ABLIM1: variants seen among roughly 807,000 people sequenced by gnomAD.
The protein encoded by ABLIM1 is actin binding LIM protein 1, also known as actin-binding LIM protein 1.
A neutral mutation model predicts 107.0 loss-of-function variants in ABLIM1; 40 were observed. The observed-to-expected ratio is 0.37, with a 90% confidence interval of 0.29 to 0.49. The LOEUF (loss-of-function observed/expected upper bound fraction) is 0.49. Ranked by LOEUF, ABLIM1 falls within the 20% of genes least tolerant of loss-of-function variation. The pLI, the probability that ABLIM1 is intolerant of heterozygous loss-of-function variation, is 0.97. For missense variants in ABLIM1, 857 were observed against 1,008.5 expected (o/e 0.85, Z 2.04); for synonymous variants, 357 against 357.3 (o/e 1.00, Z 0.01).
chr10:114,495,112 T>C (rs780374017), intron 6 of ABLIM1, among the ~76,000 whole-genome samples: 12 of 152,230 alleles, frequency 7.9e-5, no homozygotes, highest in Non-Finnish European at 1.3e-4. Flanking sequence ...TTGCTGTGGT[T>C]ACCTTTGGAG....
At chr10:114,529,563 T>C (rs570234615) in intron 6 of ABLIM1, among the ~76,000 whole-genome samples, 1 of 152,294 alleles carries the variant, frequency 6.6e-6, no homozygotes, top group South Asian at 2.1e-4. Context: ...ATTTCCAAAT[T>C]CGTGAGTTTC....
At chr10:114,749,380 G>T (rs1482078438) in intron 1 of ABLIM1, among the ~76,000 whole-genome samples, 2 of 151,288 alleles carry the variant, frequency 1.3e-5, no homozygotes, top group African/African-American at 4.9e-5. Context: ...TTCTTTGTTT[G>T]CTAGCTACAA....
chr10:114,675,835 T>C (rs7905729), intron 1 of ABLIM1, among the ~76,000 whole-genome samples: 3,459 of 152,204 alleles, frequency 0.023, 129 homozygotes, highest in African/African-American at 0.078. Flanking sequence ...ATCTGTTCCA[T>C]TCCTCTCTGC....
Position 114,433,847 on chromosome 10 carries a change from A to G in ABLIM1, c.*2413T>C, listed in dbSNP as rs933202194. On this transcript the variant is annotated 3_prime_UTR_variant, in exon 23 of 23. Transcript: ENST00000533213. ...ACCTGATTATGCCCATGTTTCCCAA[A>G]TACCTTGATTTTTCTTATATTGACA... 1.3e-5 allele frequency: 2 copies of G among 152,196 alleles called. No homozygotes were observed. Among genetic ancestry groups the G allele is most frequent in the Non-Finnish European group, 2.9e-5 (2 of 68,042 alleles). The allele number at this position is 152,196 out of a possible 1,614,324, so 9.4% of individuals were successfully genotyped here.
intron 5 of ABLIM1, among the ~76,000 whole-genome samples, chr10:114,545,943 C>CAAAAAAAAAAAAAAAAAAAAA (rs35262022): frequency 8.2e-6 from 1 of 122,440 alleles, no homozygotes. Context: ...AAAAAAAAAA[C>CAAAAAAAAAAAAAAAAAAAAA]AAAAAAAAAA....
chr10:114,482,488 C>T (rs924152066), intron 8 of ABLIM1, among the ~76,000 whole-genome samples: 1 of 152,090 alleles, frequency 6.6e-6, no homozygotes, highest in Non-Finnish European at 1.5e-5. Flanking sequence ...TGCTGTGTAG[C>T]CAAAAGTACT....
intron 1 of ABLIM1, among the ~76,000 whole-genome samples, chr10:114,755,033 T>C (rs1591946952): frequency 6.6e-6 from 1 of 152,180 alleles, no homozygotes; most frequent in South Asian, 2.1e-4. Context: ...GGAGTATGAA[T>C]GTTCTAGAAC....
intron 21 of ABLIM1, among the ~76,000 whole-genome samples, chr10:114,438,685 C>A (rs1589652475): frequency 2.6e-5 from 4 of 152,316 alleles, no homozygotes; most frequent in Admixed American, 1.3e-4. Context: ...AGTGCTCTGG[C>A]AACTGCCATA....
chr10:114,541,503 C>A (rs921354498), intron 6 of ABLIM1, among the ~76,000 whole-genome samples: 2 of 151,890 alleles, frequency 1.3e-5, no homozygotes, highest in African/African-American at 4.8e-5. Flanking sequence ...GTGTGGAGAC[C>A]GTCCTGCTTT....
chr10:114,662,377 C>T (rs2079830873), upstream of ABLIM1, among the ~76,000 whole-genome samples: 1 of 152,138 alleles, frequency 6.6e-6, no homozygotes, highest in Non-Finnish European at 1.5e-5. Context: ...AAAAGGGGTG[C>T]AATTGGACTT....
intron 1 of ABLIM1, among the ~76,000 whole-genome samples, chr10:114,614,670 G>A (rs767135649): frequency 3.7e-4 from 57 of 152,094 alleles, no homozygotes; most frequent in Non-Finnish European, 6.6e-4. Flanking sequence ...GAGATTTGCC[G>A]GAAAATTAGA....
intron 6 of ABLIM1, among the ~76,000 whole-genome samples, chr10:114,540,471 G>A (rs557506148): frequency 2.0e-5 from 3 of 152,208 alleles, no homozygotes; most frequent in Admixed American, 6.5e-5. Flanking sequence ...CTCCCCACCC[G>A]TTCAAGCTGA....
At chr10:114,611,409 G>T (rs144262217) in intron 1 of ABLIM1, among the ~76,000 whole-genome samples, 1 of 151,408 alleles carries the variant, frequency 6.6e-6, no homozygotes, top group East Asian at 1.9e-4. Context: ...GGAGGCAGAG[G>T]TTGCTGAGCT....
At chr10:114,624,359 G>A (rs528698049) in intron 1 of ABLIM1, among the ~76,000 whole-genome samples, 1 of 152,322 alleles carries the variant, frequency 6.6e-6, no homozygotes, top group South Asian at 2.1e-4. Context: ...TGAATCAAAT[G>A]CCAAGATATG....
chr10:114,535,291 G>C (rs1299514571), intron 6 of ABLIM1, among the ~76,000 whole-genome samples: 1 of 152,112 alleles, frequency 6.6e-6, no homozygotes, highest in Non-Finnish European at 1.5e-5. Flanking sequence ...TCCCACAGAG[G>C]GAAAGAGCCT....
chr10:114,513,456 A>C (rs1483500060), intron 6 of ABLIM1, among the ~76,000 whole-genome samples: 1 of 152,026 alleles, frequency 6.6e-6, no homozygotes, highest in African/African-American at 2.4e-5. Flanking sequence ...AAAAAAAGAA[A>C]CCCCACTGGC....
At chr10:114,698,876 A>C (rs2081248921) in intron 1 of ABLIM1, among the ~76,000 whole-genome samples, 1 of 152,204 alleles carries the variant, frequency 6.6e-6, no homozygotes, top group Admixed American at 6.5e-5. Context: ...TAATTCCCAA[A>C]AAGAAAACTG....
intron 14 of ABLIM1, among the ~76,000 whole-genome samples, chr10:114,448,524 G>A (rs915319226): frequency 6.6e-6 from 1 of 152,198 alleles, no homozygotes. Context: ...TCACTTGACT[G>A]TAGTTGTTAA....
chr10:114,452,673 T>A (rs2062085438), intron 13 of ABLIM1, among the ~76,000 whole-genome samples: 1 of 152,236 alleles, frequency 6.6e-6, no homozygotes, highest in Non-Finnish European at 1.5e-5. Context: ...TTACCTCTGA[T>A]GGCTAATCCT....
Sources: allele counts gnomAD v4.1 joint callset (sites outside exome capture counted in the v4.1 genomes callset), GRCh38; gene constraint gnomAD v4.1.1; transcripts MANE v1.5; gene names NCBI Gene and HGNC (gene_info 2026-07-23, HGNC 2026-07-21).